FGFR1: variants seen among roughly 807,000 people sequenced by gnomAD.
FGFR1 encodes FGFR1/PLAG1 fusion.
In FGFR1, 18 loss-of-function variants were observed where a neutral mutation model predicts 93.7. The observed-to-expected ratio is 0.19, with a 90% CI of 0.13 to 0.28. The LOEUF is 0.28. FGFR1 is among the 10% of genes least tolerant of loss of function. The pLI is 1.00. For missense variants in FGFR1, 731 were observed against 1,080.4 expected (o/e 0.68, Z 4.53); for synonymous variants, 448 against 429.3 (o/e 1.04, Z -0.54).
At position 38,467,482 on chromosome 8, in the gene FGFR1, C is replaced by T. The variant is rs545215318; in HGVS notation, c.-89+499G>A. ...AATGCCCCGGATTTTTAGCGTTGAG[C>T]CCAAAGCTACCTGCTGAATTGGGGG... is the stretch of plus-strand genomic sequence containing the variant. On this transcript the variant is annotated intron_variant, in intron 1 of 17. Coordinates refer to ENST00000447712, the MANE Select transcript of FGFR1 (RefSeq NM_023110.3). Among the ~76,000 whole-genome samples, 84 of 152,244 alleles carry T rather than the reference C, an allele frequency of 5.5e-4. No individual in the cohort carries two copies. Among genetic ancestry groups the T allele is most frequent in the Admixed American group, 2.4e-3 (37 of 15,298 alleles).
intron 1 of FGFR1, among the ~76,000 whole-genome samples, chr8:38,460,247 C>A (rs1367588867): frequency 1.3e-5 from 2 of 152,180 alleles, no homozygotes; most frequent in South Asian, 2.1e-4. Flanking sequence ...TAGGACACTG[C>A]ATGGGGCACA....
chr8:38,467,411 C>T lies in FGFR1; in HGVS notation c.-89+570G>A, dbSNP rs544489340. On this transcript the variant is annotated intron_variant, in intron 1 of 17. Transcript: ENST00000447712. ...CAGTTCATCTCCCACCCCATCCGAC[C>T]CCAACCCGCACCCCAGGCTTTCCCG... Among the ~76,000 whole-genome samples the T allele has an allele frequency of 3.9e-5, 6 of 152,266 alleles. No individual in the cohort carries two copies. In the South Asian group the frequency reaches 1.2e-3, roughly 32 times the overall value.
Position 38,414,572 on chromosome 8 carries a change from G to A in FGFR1, c.2035C>T (p.His679Tyr), listed in dbSNP as rs1435328508. ...PEALFDRIYT[H>Y]QSDVWSFGVL... Reference sequence around the variant, plus strand: ...TTACAAACTCACACATCACTCTGGTGGGTGTAGATCCGGTCAAATAATGCC... The same window carrying A: ...TTACAAACTCACACATCACTCTGGTAGGTGTAGATCCGGTCAAATAATGCC... The change falls in exon 15 of 18, where the codon CAC becomes TAC. Residue 679 changes from histidine (H) to tyrosine (Y), a missense_variant. Transcript: ENST00000447712. 2 of 1,613,926 alleles carry A rather than the reference G, an allele frequency of 1.2e-6. No homozygotes were observed. Among genetic ancestry groups the A allele is most frequent in the Non-Finnish European group, 1.7e-6 (2 of 1,179,994 alleles).
chr8:38,424,398 G>A lies in FGFR1; in HGVS notation c.936+111C>T. 1 of 1,148,918 alleles carries A rather than the reference G, an allele frequency of 8.7e-7. No individual in the cohort carries two copies. The highest frequency in any genetic ancestry group is 1.3e-6 in the Non-Finnish European group (1 of 763,730). 71.2% of individuals were successfully genotyped at this position (1,148,918 alleles called of 1,614,324 possible). On this transcript the variant is annotated intron_variant, in intron 7 of 17. Transcript: ENST00000447712. The surrounding 1 kb of genome is among the most constrained non-coding windows in gnomAD (Gnocchi z 4.3). ...GATGGAGTGTGTGTGCCTGAAGCGT[G>A]AGGAATGATCCCATTCGGGGGCAAC... is the stretch of plus-strand genomic sequence containing the variant.
chr8:38,424,295 C>T lies in FGFR1; in HGVS notation c.936+214G>A, dbSNP rs1188761605. On this transcript the variant is annotated intron_variant, in intron 7 of 17. Coordinates refer to ENST00000447712, the MANE Select transcript of FGFR1 (RefSeq NM_023110.3). The surrounding 1 kb of genome is among the most constrained non-coding windows in gnomAD (Gnocchi z 4.3). ...TACAGACCAGCACCACCCATCCCTG[C>T]AGCCCTCTGTTCCCAGCTCACCTCC... 1 of 710,954 alleles carries T rather than the reference C, an allele frequency of 1.4e-6. No homozygotes were observed. Among genetic ancestry groups the T allele is most frequent in the South Asian group, 1.5e-5 (1 of 66,644 alleles). The allele number at this position is 710,954 out of a possible 1,614,324, so 44.0% of individuals were successfully genotyped here.
chr8:38,467,249 G>A (rs1467360482), intron 1 of FGFR1, among the ~76,000 whole-genome samples: 2 of 151,990 alleles, frequency 1.3e-5, no homozygotes, highest in South Asian at 2.1e-4. Context: ...TTCAGAGACC[G>A]TCCAAGTCAT....
chr8:38,466,630 C>T (rs752743155), intron 1 of FGFR1: 16 of 228,848 alleles, frequency 7.0e-5, no homozygotes, highest in Non-Finnish European at 1.4e-4. Context: ...CGCCGCATCT[C>T]CAAGTCTCCA....
chr8:38,411,283 A>G lies in FGFR1; in HGVS notation c.*2345T>C, dbSNP rs2150474502. ...TAGCACCTCTCCCAAGGACTTATGA[A>G]GACTTTTAGATTCTTCATCCCTTCA... On this transcript the variant is annotated 3_prime_UTR_variant, in exon 18 of 18. Transcript: ENST00000447712. 1 of 210,642 alleles carries G rather than the reference A, an allele frequency of 4.7e-6. No individual in the cohort carries two copies. The highest frequency in any genetic ancestry group is 1.9e-4 in the South Asian group (1 of 5,348). The allele number at this position is 210,642 out of a possible 1,614,324, so 13.0% of individuals were successfully genotyped here. A position where few individuals can be genotyped will look rare whatever the true frequency, so the allele number is the denominator to read the frequency against.
intron 2 of FGFR1, among the ~76,000 whole-genome samples, chr8:38,455,362 G>T (rs1832524460): frequency 1.3e-5 from 2 of 152,122 alleles, no homozygotes; most frequent in Non-Finnish European, 2.9e-5. Flanking sequence ...CTCACTGCAT[G>T]CTCTGCCTCC....
intron 2 of FGFR1, among the ~76,000 whole-genome samples, chr8:38,455,435 C>T (rs1025939384): frequency 3.9e-5 from 6 of 152,034 alleles, no homozygotes; most frequent in Admixed American, 6.6e-5. Context: ...GGACTACAGG[C>T]GCCTGCCACT....
chr8:38,412,730 T>C lies in FGFR1; in HGVS notation c.*898A>G, dbSNP rs896731841. ...CCTTTTCATACAGCCCATAGATAAA[T>C]GAAGCAGCAGCAATTTTTATTGAGG... On this transcript the variant is annotated 3_prime_UTR_variant, in exon 18 of 18. Transcript: ENST00000447712. The C allele has an allele frequency of 2.6e-5, 6 of 233,214 alleles. No individual in the cohort carries two copies. Among genetic ancestry groups the C allele is most frequent in the Non-Finnish European group, 5.1e-5 (6 of 117,932 alleles). The allele number at this position is 233,214 out of a possible 1,614,324, so 14.4% of individuals were successfully genotyped here.
intron 1 of FGFR1, chr8:38,461,115 G>C (rs1002635629): frequency 1.6e-5 from 25 of 1,535,940 alleles, no homozygotes; most frequent in Non-Finnish European, 2.0e-5. Flanking sequence ...ATCACAGGTG[G>C]TTATGAAGAC....
intron 2 of FGFR1, among the ~76,000 whole-genome samples, chr8:38,455,820 T>C (rs1192249061): frequency 6.6e-6 from 1 of 152,158 alleles, no homozygotes; most frequent in Non-Finnish European, 1.5e-5. Context: ...TTCCTCTGCA[T>C]TCCCACCACC....
chr8:38,464,035 T>C (rs4733948), intron 1 of FGFR1, among the ~76,000 whole-genome samples: 141,884 of 152,158 alleles, frequency 0.93, 66,863 homozygotes, highest in East Asian at 1. Context: ...CAATAAGTGG[T>C]CAGGCACAAT....
At chr8:38,447,130 CA>C (rs1331455674) in intron 2 of FGFR1, among the ~76,000 whole-genome samples, 5 of 151,010 alleles carry the variant, frequency 3.3e-5, no homozygotes, top group Admixed American at 2.0e-4. Context: ...CACACACACA[CA>C]CACACACACA....
At chr8:38,460,438 A>G (rs1165358024) in intron 1 of FGFR1, among the ~76,000 whole-genome samples, 2 of 152,146 alleles carry the variant, frequency 1.3e-5, no homozygotes, top group Non-Finnish European at 2.9e-5. Flanking sequence ...TCAGGTTCCA[A>G]TGGGAAAGAG....
intron 4 of FGFR1, 102 bp downstream of exon 4, chr8:38,428,244 G>A: frequency 6.8e-7 from 1 of 1,466,340 alleles, no homozygotes; most frequent in Non-Finnish European, 9.6e-7. Flanking sequence ...CAGGCACCGT[G>A]ACCCCATGTG....
rs1820718568 is a variant in FGFR1 at position 38,426,266 on chromosome 8, G to T, written c.622-21C>A. ...CGGACCTGAGGGGAAATGCCAAAGGGATACATTGAGGGTCCAGAGGAAAAT... is the reference window on the plus strand; with the variant it reads ...CGGACCTGAGGGGAAATGCCAAAGGTATACATTGAGGGTCCAGAGGAAAAT... On this transcript the variant is annotated intron_variant, in intron 5 of 17. Transcript: ENST00000447712. The surrounding 1 kb of genome is among the most constrained non-coding windows in gnomAD (Gnocchi z 4.1). The T allele has an allele frequency of 6.2e-7, 1 of 1,613,798 alleles. No individual in the cohort carries two copies. The highest frequency in any genetic ancestry group is 8.5e-7 in the Non-Finnish European group (1 of 1,179,954).
chr8:38,446,569 C>T (rs763304708), intron 2 of FGFR1, among the ~76,000 whole-genome samples: 8 of 152,026 alleles, frequency 5.3e-5, no homozygotes, highest in Non-Finnish European at 1.2e-4. Context: ...CCCACCACCA[C>T]GCCCAGGTAA....
Sources: allele counts gnomAD v4.1 joint callset (sites outside exome capture counted in the v4.1 genomes callset), GRCh38; gene constraint gnomAD v4.1.1; non-coding constraint Gnocchi (gnomAD v3.1); transcripts MANE v1.5; gene names NCBI Gene and HGNC (gene_info 2026-07-23, HGNC 2026-07-21).